TYMS: variants seen among roughly 807,000 people sequenced by gnomAD.
TYMS encodes thymidylate synthase.
TYMS carries 21 observed loss-of-function variants against 39.3 expected under a neutral mutation model. That is an observed-to-expected ratio of 0.54 (90% CI 0.38 to 0.77). TYMS has a LOEUF of 0.77. Among genes scored for constraint, TYMS ranks in the 30% least tolerant of loss-of-function variants. The probability of loss-of-function intolerance (pLI) is 0.00; values close to 1 mark genes in which losing one functional copy is unlikely to be tolerated. For synonymous variants in TYMS, 171 were observed against 162.2 expected, an observed-to-expected ratio of 1.05 and a Z score of -0.41; for missense variants, 273 against 406.7, an observed-to-expected ratio of 0.67 and a Z score of 2.83.
chr18:661,963 C>T (rs1031547761), intron 2 of TYMS, among the ~76,000 whole-genome samples, 183 bp from the exon 3 acceptor site: 2 of 152,138 alleles, frequency 1.3e-5, no homozygotes, highest in African/African-American at 4.8e-5. Context: ...CCAGCCTGGG[C>T]AACAAGAGCG....
chr18:667,215 AGATGGT>A (rs1229328111), intron 3 of TYMS, among the ~76,000 whole-genome samples: 22 of 25,372 alleles, frequency 8.7e-4, no homozygotes, highest in East Asian at 4.6e-3. Flanking sequence ...ATGGTGATGG[AGATGGT>A]GATGGTGATG....
intron 6 of TYMS, chr18:672,659 C>T (rs539377697): frequency 1.9e-4 from 83 of 435,812 alleles, no homozygotes; most frequent in Non-Finnish European, 2.9e-4. Context: ...ACAAAATACC[C>T]CTCACTCTCG....
chr18:659,296 G>A (rs2074731424), intron 1 of TYMS, among the ~76,000 whole-genome samples: 2 of 152,112 alleles, frequency 1.3e-5, no homozygotes, highest in Non-Finnish European at 2.9e-5. Context: ...CACATGCTTG[G>A]TGTTGTCTTC....
At position 658,441 on chromosome 18, in the gene TYMS, C is replaced by T. The variant is rs1410839307; in HGVS notation, c.205+494C>T. On this transcript the variant is annotated intron_variant, in intron 1 of 6. Coordinates refer to ENST00000323274, the MANE Select transcript of TYMS (RefSeq NM_001071.4). This position sits in a 1 kb window ranked among gnomAD's most constrained non-coding sequence, Gnocchi z 4.5. ...CGGCGGGAAGAGGAGAGCACTGAAG[C>T]TGGCGCGGGAACTTGGTTTCCTGGT... 1 of 878,072 alleles carries T rather than the reference C, an allele frequency of 1.1e-6. No individual in the cohort carries two copies. The highest frequency in any genetic ancestry group is 1.5e-6 in the Non-Finnish European group (1 of 654,556). The allele number at this position is 878,072 out of a possible 1,614,324, so 54.4% of individuals were successfully genotyped here. A position where few individuals can be genotyped will look rare whatever the true frequency, so the allele number is the denominator to read the frequency against.
Position 667,582 on chromosome 18 carries a change from G to GCGA in TYMS, c.455-1490_455-1489insCGA. On this transcript the variant is annotated intron_variant, in intron 3 of 6. Transcript: ENST00000323274. ...GGTGATGGTGATGGAGATGGTGATG[G>GCGA]TGATGGTGATGGTGATGGTGATGGT... The GCGA allele has an allele frequency of 1.2e-4, 12 of 98,346 alleles. 2 individuals carry two copies. Among genetic ancestry groups the GCGA allele is most frequent in the African/African-American group, 5.8e-4 (11 of 18,976 alleles). The allele number at this position is 98,346 out of a possible 1,614,324, so 6.1% of individuals were successfully genotyped here. A position where few individuals can be genotyped will look rare whatever the true frequency, so the allele number is the denominator to read the frequency against.
chr18:668,020 G>A (rs1672564), intron 3 of TYMS, among the ~76,000 whole-genome samples: 7 of 73,184 alleles, frequency 9.6e-5, no homozygotes, highest in Non-Finnish European at 4.6e-5. Context: ...TTAATGCACA[G>A]AAAGTTTCCC....
At chr18:668,650 C>T (rs2853528) in intron 3 of TYMS, among the ~76,000 whole-genome samples, 60,930 of 152,082 alleles carry the variant, frequency 0.4, 13,414 homozygotes, top group East Asian at 0.68. Flanking sequence ...TAAGATACAA[C>T]ACTCTCTGTG....
chr18:669,128 A>C lies in TYMS; in HGVS notation c.511A>C (p.Asn171His). 1 of 1,614,206 alleles carries C rather than the reference A, an allele frequency of 6.2e-7. No individual in the cohort carries two copies. Among genetic ancestry groups the C allele is most frequent in the Non-Finnish European group, 8.5e-7 (1 of 1,180,028 alleles). Residue 171 changes from asparagine (N) to histidine (H), a missense_variant, in exon 4 of 7, where the codon AAC (asparagine) becomes CAC (histidine). By Grantham distance (68) the Asn-to-His change is moderately conservative. Around this residue, in one of 3 missense-constraint regions of TYMS, gnomAD observed 228 missense variants for 326.1 expected, o/e 0.70. Transcript: ENST00000323274. ...AAGAGTGATTGACACCATCAAAACC[A>C]ACCCTGACGACAGAAGAATCATCAT... is the stretch of plus-strand genomic sequence containing the variant. ...LQRVIDTIKT[N>H]PDDRRIIMCA... is the part of the protein sequence containing the mutation.
Position 657,806 on chromosome 18 carries a change from G to A in TYMS, c.64G>A (p.Ala22Thr), listed in dbSNP as rs914193673. The change falls in exon 1 of 7, where the codon GCC becomes ACC. Residue 22 changes from alanine to threonine, a missense_variant. By Grantham distance (58) the Ala-to-Thr change is moderately conservative. This residue lies in a region of TYMS where 228 missense variants were observed against 326.1 expected (regional missense o/e 0.70). Coordinates refer to ENST00000323274, the MANE Select transcript of TYMS (RefSeq NM_001071.4). ...GCCCCCCGCCGCACAGGAGCGGGAC[G>A]CCGAGCCGCGTCCGCCGCACGGGGA... is the stretch of plus-strand genomic sequence containing the variant. ...PLPPAAQERDAEPRPPHGELQ... is the reference protein window; with the variant it reads ...PLPPAAQERDTEPRPPHGELQ... 1.2e-5 allele frequency: 17 copies of A among 1,462,612 alleles called. No homozygotes were observed. The highest frequency in any genetic ancestry group is 1.5e-5 in the Non-Finnish European group (17 of 1,114,162). The allele number at this position is 1,462,612 out of a possible 1,614,324, so 90.6% of individuals were successfully genotyped here.
At position 657,895 on chromosome 18, in the gene TYMS, G is replaced by GGGCACC. The variant is rs2074705173; in HGVS notation, c.160_165dup (p.Gly54_Thr55dup). ...GCGGCGTCAGGAAGGACGACCGCAC[G>GGGCACC]GGCACCGGCACCCTGTCGGTATTCG... On this transcript the variant is annotated inframe_insertion, in exon 1 of 7. Transcript: ENST00000323274. 2.6e-6 allele frequency: 4 copies of GGGCACC among 1,511,740 alleles called. No homozygotes were observed. Among genetic ancestry groups the GGGCACC allele is most frequent in the Non-Finnish European group, 2.6e-6 (3 of 1,136,112 alleles). The allele number at this position is 1,511,740 out of a possible 1,614,324, so 93.6% of individuals were successfully genotyped here.
chr18:669,329 C>T (rs2074933749), intron 4 of TYMS, 156 bp downstream of exon 4: 2 of 559,018 alleles, frequency 3.6e-6, no homozygotes, highest in Non-Finnish European at 6.4e-6. Context: ...CATTTTGCTG[C>T]ACTTTCACCT....
At chr18:669,366 ATTTTTTT>A (rs68090938) in intron 4 of TYMS, 193 bp downstream of exon 4, 54 of 192,226 alleles carry the variant, frequency 2.8e-4, no homozygotes, top group East Asian at 6.7e-4. Flanking sequence ...GGCCCAGAGG[ATTTTTTT>A]TTTTTTTTTT....
chr18:662,115 A>C, intron 2 of TYMS, 31 bp from the exon 3 acceptor site: 2 of 1,572,398 alleles, frequency 1.3e-6, no homozygotes, highest in African/African-American at 1.4e-5. Context: ...ATTTACCTGG[A>C]TGCCTGCTCT....
At position 672,950 on chromosome 18, in the gene TYMS, GA is replaced by G; in HGVS notation, c.897del (p.Tyr301ThrfsTer53). 1 of 1,596,096 alleles carries G rather than the reference GA, an allele frequency of 6.3e-7. No homozygotes were observed. Among genetic ancestry groups the G allele is most frequent in the South Asian group, 1.1e-5 (1 of 89,318 alleles). On this transcript the variant is annotated frameshift_variant, in exon 7 of 7. Transcript: ENST00000323274. LOFTEE classifies it high-confidence loss of function. ...CTTCAAAGCTGAAGACTTTCAGATT[GA>G]AGGGTACAATCCGCATCCAACTATT... ...DDFKAEDFQI[E>X]GYNPHPTIKM...
intron 3 of TYMS, among the ~76,000 whole-genome samples, chr18:664,947 A>G (rs1442854580): frequency 2.1e-5 from 3 of 145,478 alleles, no homozygotes; most frequent in African/African-American, 2.7e-5. Flanking sequence ...ATTTTGCATC[A>G]ATGTTCATCA....
At position 672,760 on chromosome 18, in the gene TYMS, C is replaced by CT. The variant is rs528129709; in HGVS notation, c.805-97dup. Reference sequence around the variant, plus strand: ...AGGATCATACTCCTGTAAAATAGAACTTTGTTGATCACATCCTGTGTACTT... The same window carrying CT: ...AGGATCATACTCCTGTAAAATAGAACTTTTGTTGATCACATCCTGTGTACTT... On this transcript the variant is annotated intron_variant, in intron 6 of 6. Coordinates refer to ENST00000323274, the MANE Select transcript of TYMS (RefSeq NM_001071.4). 108 of 1,341,534 alleles carry CT rather than the reference C, an allele frequency of 8.1e-5. No individual in the cohort carries two copies. The African/African-American group carries it at 1.4e-3, about 18-fold the overall frequency. 83.1% of individuals were successfully genotyped at this position (1,341,534 alleles called of 1,614,324 possible).
At position 658,528 on chromosome 18, in the gene TYMS, G is replaced by C. The variant is rs941864060; in HGVS notation, c.205+581G>C. On this transcript the variant is annotated intron_variant, in intron 1 of 6. Coordinates refer to ENST00000323274, the MANE Select transcript of TYMS (RefSeq NM_001071.4). This position sits in a 1 kb window ranked among gnomAD's most constrained non-coding sequence, Gnocchi z 4.5. ...TTAAACCTTGAAAAGAGAAATTCGG[G>C]AGTTCGAGTATAAGTTCTTAGTCGT... 6.5e-6 allele frequency: 2 copies of C among 309,922 alleles called. No homozygotes were observed. Among genetic ancestry groups the C allele is most frequent in the African/African-American group, 5.4e-5 (2 of 36,968 alleles). The allele number at this position is 309,922 out of a possible 1,614,324, so 19.2% of individuals were successfully genotyped here. A position where few individuals can be genotyped will look rare whatever the true frequency, so the allele number is the denominator to read the frequency against.
rs2075140737 is a variant in TYMS at position 673,077 on chromosome 18, C to G, written c.*80C>G. ...TGCCGAGGTAAAAGTTCTTTTTGCT[C>G]TAAAAGAAAAAGGAACTAGGTCAAA... is the stretch of plus-strand genomic sequence containing the variant. On this transcript the variant is annotated 3_prime_UTR_variant, in exon 7 of 7. Transcript: ENST00000323274. 2 of 1,409,310 alleles carry G rather than the reference C, an allele frequency of 1.4e-6. No individual in the cohort carries two copies. The highest frequency in any genetic ancestry group is 1.9e-6 in the Non-Finnish European group (2 of 1,061,366). 87.3% of individuals were successfully genotyped at this position (1,409,310 alleles called of 1,614,324 possible).
chr18:659,525 T>A lies in TYMS; in HGVS notation c.206-116T>A, dbSNP rs1429001456. 4 of 865,834 alleles carry A rather than the reference T, an allele frequency of 4.6e-6. No individual in the cohort carries two copies. The African/African-American group carries it at 6.6e-5, about 14-fold the overall frequency. The allele number at this position is 865,834 out of a possible 1,614,324, so 53.6% of individuals were successfully genotyped here. On this transcript the variant is annotated intron_variant, in intron 1 of 6. Coordinates refer to ENST00000323274, the MANE Select transcript of TYMS (RefSeq NM_001071.4). ...ATCTCTGGCCCACTTTGCGGGAGTC[T>A]AGGCTTTCTGGATGCTCCAGGGCCT...
Sources: allele counts gnomAD v4.1 joint callset (sites outside exome capture counted in the v4.1 genomes callset), GRCh38; gene constraint gnomAD v4.1.1; regional missense constraint gnomAD v4.1.1; non-coding constraint Gnocchi (gnomAD v3.1); transcripts MANE v1.5; gene names NCBI Gene and HGNC (gene_info 2026-07-23, HGNC 2026-07-21).